FCAMR: variants seen among roughly 807,000 people sequenced by gnomAD.
The protein encoded by FCAMR is Fc alpha and mu receptor, also known as high affinity immunoglobulin alpha and immunoglobulin mu Fc receptor.
In FCAMR, 51 loss-of-function variants were observed where a neutral mutation model predicts 52.2. That is an observed-to-expected ratio of 0.98 (90% CI 0.78 to 1.23). FCAMR has a LOEUF of 1.23. Ranked by LOEUF, FCAMR falls within the 50% of genes most tolerant of loss-of-function variation. FCAMR has a pLI of 0.00. For synonymous variants in FCAMR, 282 were observed against 262.0 expected, an observed-to-expected ratio of 1.08 and a Z score of -0.74; for missense variants, 719 against 712.6, an observed-to-expected ratio of 1.01 and a Z score of -0.10.
intron 7 of FCAMR, among the ~76,000 whole-genome samples, chr1:206,959,148 T>C (rs920417617): frequency 2.0e-5 from 3 of 152,198 alleles, no homozygotes; most frequent in Non-Finnish European, 4.4e-5. Flanking sequence ...TGGGATGCCA[T>C]TGACACGTAA....
rs773006316 is a variant in FCAMR, at chr1:206,958,476, C to G, written c.*40G>C. 5.1e-6 allele frequency: 8 copies of G among 1,569,870 alleles called. No individual in the cohort carries two copies. In the East Asian group the frequency reaches 6.8e-5, roughly 13 times the overall value. On this transcript the variant is annotated 3_prime_UTR_variant, in exon 8 of 8. Transcript: ENST00000324852. Reference sequence around the variant, plus strand: ...GGTCCTGAAGGCCTTTGATCTTGGTCCTTCTCCCATGGTAACTGAGCAGTT... The same window carrying G: ...GGTCCTGAAGGCCTTTGATCTTGGTGCTTCTCCCATGGTAACTGAGCAGTT...
Position 206,962,147 on chromosome 1 carries a change from C to T in FCAMR, c.652+66G>A. Reference sequence around the variant, plus strand: ...AAGCCCTTCTGGGTCTCTGAGGCTTCTCTCCCACTTTCTCCTTCCTAGAAC... The same window carrying T: ...AAGCCCTTCTGGGTCTCTGAGGCTTTTCTCCCACTTTCTCCTTCCTAGAAC... On this transcript the variant is annotated intron_variant, in intron 5 of 7. Coordinates refer to ENST00000324852, the MANE Select transcript of FCAMR (RefSeq NM_001170631.2). The T allele has an allele frequency of 2.0e-6, 3 of 1,515,474 alleles. No individual in the cohort carries two copies. The South Asian group carries it at 3.7e-5, about 18-fold the overall frequency. The allele number at this position is 1,515,474 out of a possible 1,614,324, so 93.9% of individuals were successfully genotyped here. A position where few individuals can be genotyped will look rare whatever the true frequency, so the allele number is the denominator to read the frequency against.
intron 4 of FCAMR, among the ~76,000 whole-genome samples, chr1:206,963,309 C>A (rs1183347767): frequency 1.3e-5 from 2 of 152,068 alleles, no homozygotes; most frequent in African/African-American, 4.8e-5. Flanking sequence ...TGGCAACAGG[C>A]CTAAGGACAA....
At chr1:206,969,648 C>T (rs1474173246) in intron 1 of FCAMR, among the ~76,000 whole-genome samples, 2 of 152,182 alleles carry the variant, frequency 1.3e-5, no homozygotes, top group Admixed American at 1.3e-4. Flanking sequence ...CCTATCCCCT[C>T]CCCACATCCC....
chr1:206,960,701 G>A lies in FCAMR; in HGVS notation c.1175C>T (p.Pro392Leu), dbSNP rs771484781. The change falls in exon 6 of 8, where the codon CCA (proline) becomes CTA (leucine). Residue 392 changes from proline to leucine, a missense_variant. Transcript: ENST00000324852. ...VSETLAWEIL[P>L]QATPVSKQQS... ...TTGCTTAGAAACTGGCGTTGCTTGT[G>A]GGAGGATTTCCCAGGCCAAAGTTTC... The A allele has an allele frequency of 1.3e-6, 2 of 1,552,226 alleles. No homozygotes were observed. The highest frequency in any genetic ancestry group is 1.4e-5 in the African/African-American group (1 of 73,170).
rs571268969 is a variant in FCAMR at position 206,958,484 on chromosome 1, C to T, written c.*32G>A. On this transcript the variant is annotated 3_prime_UTR_variant, in exon 8 of 8. Transcript: ENST00000324852. Reference sequence around the variant, plus strand: ...AGGCCTTTGATCTTGGTCCTTCTCCCATGGTAACTGAGCAGTTCATCTCTC... The same window carrying T: ...AGGCCTTTGATCTTGGTCCTTCTCCTATGGTAACTGAGCAGTTCATCTCTC... 4 of 1,585,542 alleles carry T rather than the reference C, an allele frequency of 2.5e-6. No individual in the cohort carries two copies. Among genetic ancestry groups the T allele is most frequent in the Admixed American group, 3.5e-5 (2 of 57,166 alleles).
Position 206,967,655 on chromosome 1 carries a change from T to C in FCAMR, c.40-4A>G. ...CTCTTCCTCTCCTCACCACTTCCTG[T>C]TTGCAGAAGGGGAATTGGTTTTTTC... On this transcript the variant is annotated splice_region_variant and splice_polypyrimidine_tract_variant and intron_variant, in intron 1 of 7. Transcript: ENST00000324852. 1 of 1,614,068 alleles carries C rather than the reference T, an allele frequency of 6.2e-7. No homozygotes were observed. Among genetic ancestry groups the C allele is most frequent in the South Asian group, 1.1e-5 (1 of 91,054 alleles).
chr1:206,961,418 C>T (rs193085555), intron 5 of FCAMR, among the ~76,000 whole-genome samples, 195 bp from the exon 6 acceptor site: 3 of 152,344 alleles, frequency 2.0e-5, no homozygotes, highest in African/African-American at 7.2e-5. Flanking sequence ...AACATTCTCT[C>T]GTCTGTGGCA....
intron 5 of FCAMR, 36 bp downstream of exon 5, chr1:206,962,177 T>G (rs1417689810): frequency 8.2e-6 from 13 of 1,593,364 alleles, no homozygotes; most frequent in Non-Finnish European, 1.1e-5. Flanking sequence ...TAGAACGTGC[T>G]TCACCAAGCT....
chr1:206,960,179 A>G (rs981475338), intron 6 of FCAMR: 15 of 542,970 alleles, frequency 2.8e-5, no homozygotes, highest in African/African-American at 7.6e-5. Flanking sequence ...GAAAGTCCTA[A>G]TGAAGGTTCC....
chr1:206,967,328 G>A (rs552375872), intron 2 of FCAMR, among the ~76,000 whole-genome samples: 78 of 152,268 alleles, frequency 5.1e-4, no homozygotes, highest in African/African-American at 1.6e-3. Flanking sequence ...TCACGTCCAC[G>A]AGGCCAAAAT....
intron 5 of FCAMR, 129 bp from the exon 6 acceptor site, chr1:206,961,352 C>A (rs574707132): frequency 5.8e-6 from 4 of 685,196 alleles, no homozygotes; most frequent in African/African-American, 5.4e-5. Context: ...AGTCTTTGAC[C>A]AATAGGTTGG....
intron 3 of FCAMR, among the ~76,000 whole-genome samples, chr1:206,966,365 T>G (rs936138248): frequency 6.6e-6 from 1 of 152,174 alleles, no homozygotes; most frequent in African/African-American, 2.4e-5. Context: ...GAGTGCTTAC[T>G]CAAATATTGG....
Position 206,970,262 on chromosome 1 carries a change from G to T in FCAMR, c.-137C>A. On this transcript the variant is annotated 5_prime_UTR_variant, in exon 1 of 8. Coordinates refer to ENST00000324852, the MANE Select transcript of FCAMR (RefSeq NM_001170631.2). ...GTATTTTGGAAAGCAGCTGGAGCTA[G>T]CAACGGAAGGTCGGGGTGCAAGGCG... The T allele has an allele frequency of 3.2e-6, 3 of 931,104 alleles. No individual in the cohort carries two copies. Among genetic ancestry groups the T allele is most frequent in the Non-Finnish European group, 4.9e-6 (3 of 610,306 alleles). 57.7% of individuals were successfully genotyped at this position (931,104 alleles called of 1,614,324 possible). A position where few individuals can be genotyped will look rare whatever the true frequency, so the allele number is the denominator to read the frequency against.
Position 206,960,934 on chromosome 1 carries a change from T to C in FCAMR, c.942A>G (p.Ser314=), listed in dbSNP as rs1229720364. 3 of 1,552,152 alleles carry C rather than the reference T, an allele frequency of 1.9e-6. No homozygotes were observed. The change falls in exon 6 of 8, where the codon TCA becomes TCG. Residue 314 remains serine, a synonymous_variant. Coordinates refer to ENST00000324852, the MANE Select transcript of FCAMR (RefSeq NM_001170631.2). ...APAPIPESPP[S]KSRSMSNTTE... ...TTGTATTGGACATGCTTCTGCTCTT[T>C]GAAGGTGGACTCTCTGGAATCGGAG...
chr1:206,959,076 G>C, intron 7 of FCAMR: 1 of 405,500 alleles, frequency 2.5e-6, no homozygotes, highest in Non-Finnish European at 4.9e-6. Context: ...TTGCTTATGA[G>C]GCTTATGGTT....
At chr1:206,968,133 T>C (rs1680789104) in intron 1 of FCAMR, among the ~76,000 whole-genome samples, 1 of 151,334 alleles carries the variant, frequency 6.6e-6, no homozygotes, top group Non-Finnish European at 1.5e-5. Context: ...AGGTTAGGAG[T>C]TCAAGACCAG....
chr1:206,966,990 C>T, intron 3 of FCAMR, 62 bp downstream of exon 3: 1 of 1,568,256 alleles, frequency 6.4e-7, no homozygotes, highest in Admixed American at 1.7e-5. Flanking sequence ...ACCTTTAGGG[C>T]AGCCTGGAAG....
At chr1:206,960,096 C>T in intron 6 of FCAMR, 1 of 498,924 alleles carries the variant, frequency 2.0e-6, no homozygotes, top group Non-Finnish European at 3.5e-6. Flanking sequence ...CTGGGCTCTG[C>T]CACAACCTTT....
Sources: gnomAD v4.1 joint callset for allele counts (sites outside exome capture counted in the v4.1 genomes callset) on GRCh38, gnomAD v4.1.1 for gene constraint, MANE v1.5 for transcripts, NCBI Gene and HGNC (gene_info 2026-07-23, HGNC 2026-07-21) for gene names.